The following PCDHGA2 variants were observed in gnomAD, a reference collection of about 807,000 sequenced individuals.
PCDHGA2 encodes protocadherin gamma subfamily A, 2.
A neutral mutation model predicts 59.2 loss-of-function variants in PCDHGA2; 40 were observed. The ratio of observed to expected loss-of-function variants is 0.68; its 90% CI spans 0.52 to 0.88. The LOEUF is 0.88. Among genes scored for constraint, PCDHGA2 ranks in the 40% least tolerant of loss-of-function variants. The pLI is 0.00. For synonymous variants in PCDHGA2, 560 were observed against 526.0 expected (o/e 1.06, Z -0.89); for missense variants, 1,226 against 1,204.0 (o/e 1.02, Z -0.27).
intron 1 of PCDHGA2, chr5:141,372,531 C>G (rs767186429): frequency 6.2e-7 from 1 of 1,614,032 alleles, no homozygotes; most frequent in Admixed American, 1.7e-5. Context: ...GGCAATCTCC[C>G]TGCGCCTGCG....
Position 141,486,585 on chromosome 5 carries a change from G to A in PCDHGA2, c.2425-8222G>A. The A allele has an allele frequency of 6.2e-7, 1 of 1,613,708 alleles. No individual in the cohort carries two copies. The highest frequency in any genetic ancestry group is 1.1e-5 in the South Asian group (1 of 91,080). ...TTTGTTCCTGAGAACAATCGCCCAG[G>A]GGACCTGCTTTGCTCCCTTGCAGCC... On this transcript the variant is annotated intron_variant, in intron 1 of 3. Transcript: ENST00000394576. The surrounding 1 kb of genome is among the most constrained non-coding windows in gnomAD (Gnocchi z 5.0).
At chr5:141,401,734 G>T (rs2094188545) in intron 1 of PCDHGA2, among the ~76,000 whole-genome samples, 1 of 152,166 alleles carries the variant, frequency 6.6e-6, no homozygotes, top group Non-Finnish European at 1.5e-5. Context: ...CTAGTCTTGT[G>T]TACATACAAA....
chr5:141,361,749 C>A (rs1334871182), intron 1 of PCDHGA2: 1 of 1,612,938 alleles, frequency 6.2e-7, no homozygotes, highest in African/African-American at 1.3e-5. Context: ...GCGACCAGGG[C>A]TCGCCCGCGC....
chr5:141,345,995 C>G, intron 1 of PCDHGA2: 1 of 1,613,442 alleles, frequency 6.2e-7, no homozygotes, highest in Non-Finnish European at 8.5e-7. Context: ...AGCCCCCTCT[C>G]TCCGCCACTG....
At chr5:141,504,384 C>G (rs2099837898) in intron 2 of PCDHGA2, among the ~76,000 whole-genome samples, 1 of 152,026 alleles carries the variant, frequency 6.6e-6, no homozygotes, top group South Asian at 2.1e-4. Flanking sequence ...GAGTCGCTGC[C>G]TCACAGAAGC....
Position 141,339,232 on chromosome 5 carries a change from G to A in PCDHGA2, c.261G>A (p.Ala87=), listed in dbSNP as rs140493211. ...LNPRSGSLVT[A]NRIDREELCA... ...CGCGAAGCGGCAGCTTGGTCACTGC[G>A]AACAGGATAGACCGGGAGGAGCTCT... Residue 87 remains alanine (A), a synonymous_variant, in exon 1 of 4, where the codon GCG becomes GCA. Coordinates refer to ENST00000394576, the MANE Select transcript of PCDHGA2 (RefSeq NM_018915.4). 338 of 1,614,250 alleles carry A rather than the reference G, an allele frequency of 2.1e-4. No homozygotes were observed. The African/African-American group carries it at 4.2e-3, about 20-fold the overall frequency.
chr5:141,421,457 C>T (rs377073702), intron 1 of PCDHGA2: 9 of 1,614,014 alleles, frequency 5.6e-6, no homozygotes, highest in African/African-American at 2.7e-5. Flanking sequence ...CAGCTTTTCG[C>T]TGTGAATCCG....
At chr5:141,499,184 A>G (rs2099789986) in intron 2 of PCDHGA2, among the ~76,000 whole-genome samples, 1 of 151,726 alleles carries the variant, frequency 6.6e-6, no homozygotes, top group African/African-American at 2.4e-5. Context: ...CCAGCAAACC[A>G]TTTCCCCCTT....
chr5:141,417,980 C>G lies in PCDHGA2; in HGVS notation c.2424+76585C>G, dbSNP rs905203424. On this transcript the variant is annotated intron_variant, in intron 1 of 3. Coordinates refer to ENST00000394576, the MANE Select transcript of PCDHGA2 (RefSeq NM_018915.4). ...GATCCGCTACTCGATTCCGGAGGAG[C>G]TGGCCAAGGGCTCGGTGGTGGGGAA... is the stretch of plus-strand genomic sequence containing the variant. The G allele has an allele frequency of 1.9e-6, 3 of 1,613,738 alleles. No individual in the cohort carries two copies. In the African/African-American group the frequency reaches 4.0e-5, roughly 22 times the overall value.
intron 1 of PCDHGA2, chr5:141,364,891 T>C: frequency 1.2e-6 from 2 of 1,613,950 alleles, no homozygotes; most frequent in Middle Eastern, 1.6e-4. Flanking sequence ...GCGGAACTGA[T>C]GGACAAAAGT....
intron 1 of PCDHGA2, chr5:141,420,535 T>C (rs1322301404): frequency 6.2e-6 from 2 of 321,930 alleles, no homozygotes; most frequent in African/African-American, 4.3e-5. Flanking sequence ...CGGTTAAAAA[T>C]ATAAAATACA....
At chr5:141,404,684 G>GT in intron 1 of PCDHGA2, 1 of 1,614,104 alleles carries the variant, frequency 6.2e-7, no homozygotes, top group Non-Finnish European at 8.5e-7. Flanking sequence ...TGTGGAGCTG[G>GT]CACCCCGCTC....
At chr5:141,368,303 C>T (rs981191656) in intron 1 of PCDHGA2, among the ~76,000 whole-genome samples, 2 of 152,066 alleles carry the variant, frequency 1.3e-5, no homozygotes, top group Non-Finnish European at 2.9e-5. Flanking sequence ...TTTTTAAACA[C>T]TGTTAAAGAG....
intron 1 of PCDHGA2, among the ~76,000 whole-genome samples, chr5:141,347,888 A>T (rs1371137056): frequency 3.3e-5 from 5 of 152,176 alleles, no homozygotes; most frequent in African/African-American, 7.2e-5. Flanking sequence ...TTTGATTTCA[A>T]CATTTTGCCT....
chr5:141,383,087 G>A, intron 1 of PCDHGA2: 2 of 1,613,912 alleles, frequency 1.2e-6, no homozygotes, highest in Non-Finnish European at 1.7e-6. Flanking sequence ...GCGGAGCGCG[G>A]AGTCCGCATC....
At position 141,489,298 on chromosome 5, in the gene PCDHGA2, T is replaced by C; in HGVS notation, c.2425-5509T>C. On this transcript the variant is annotated intron_variant, in intron 1 of 3. Transcript: ENST00000394576. This position sits in a 1 kb window ranked among gnomAD's most constrained non-coding sequence, Gnocchi z 4.5. ...GAAATGGCAAGTGCTGTGCATGTTG[T>C]CCTTGTGCTGCTGGGGCTGGGTGTC... The C allele has an allele frequency of 6.3e-7, 1 of 1,584,418 alleles. No individual in the cohort carries two copies. The highest frequency in any genetic ancestry group is 8.6e-7 in the Non-Finnish European group (1 of 1,165,192).
chr5:141,431,868 A>G lies in PCDHGA2; in HGVS notation c.2425-62939A>G, dbSNP rs755283039. On this transcript the variant is annotated intron_variant, in intron 1 of 3. Coordinates refer to ENST00000394576, the MANE Select transcript of PCDHGA2 (RefSeq NM_018915.4). This position sits in a 1 kb window ranked among gnomAD's most constrained non-coding sequence, Gnocchi z 4.8. ...AGAGGGACATTAATTGCCCTTTTAAATGTAAATGACCAAGATTCTGAGGAA... is the reference window on the plus strand; with the variant it reads ...AGAGGGACATTAATTGCCCTTTTAAGTGTAAATGACCAAGATTCTGAGGAA... 4.3e-6 allele frequency: 7 copies of G among 1,614,102 alleles called. No individual in the cohort carries two copies. In the South Asian group the frequency reaches 6.6e-5, roughly 15 times the overall value.
At chr5:141,381,496 A>G (rs139374379) in intron 1 of PCDHGA2, among the ~76,000 whole-genome samples, 67 of 152,346 alleles carry the variant, frequency 4.4e-4, no homozygotes, top group African/African-American at 1.4e-3. Flanking sequence ...TCTCAATTAC[A>G]CTAGAATAGA....
intron 1 of PCDHGA2, among the ~76,000 whole-genome samples, chr5:141,363,275 A>G (rs987748998): frequency 6.6e-6 from 1 of 152,224 alleles, no homozygotes; most frequent in African/African-American, 2.4e-5. Flanking sequence ...TTGCTTTTGA[A>G]TTTCCTAATT....
Sources: gnomAD v4.1 joint callset for allele counts (sites outside exome capture counted in the v4.1 genomes callset) on GRCh38, gnomAD v4.1.1 for gene constraint, Gnocchi (gnomAD v3.1) non-coding constraint, MANE v1.5 for transcripts, NCBI Gene and HGNC (gene_info 2026-07-23, HGNC 2026-07-21) for gene names.